Variants in NFATC3 observed in about 807,000 individuals in gnomAD.
NFATC3 encodes the protein nuclear factor of activated T-cells, cytoplasmic 3.
Under a neutral mutation model 98.6 loss-of-function variants are expected in NFATC3, and 46 were observed. That is an observed-to-expected ratio of 0.47 (90% confidence interval 0.37 to 0.60). NFATC3 has a LOEUF of 0.60. NFATC3 is among the 20% of genes least tolerant of loss of function. The probability of loss-of-function intolerance (pLI) is 0.00; values close to 1 mark genes in which losing one functional copy is unlikely to be tolerated. For missense variants in NFATC3, 1,256 were observed against 1,295.5 expected, an observed-to-expected ratio of 0.97 and a Z score of 0.47; for synonymous variants, 512 against 472.2, an observed-to-expected ratio of 1.08 and a Z score of -1.09.
intron 9 of NFATC3, chr16:68,200,090 G>GTA (rs2040852844): frequency 6.6e-6 from 1 of 151,996 alleles, no homozygotes; most frequent in Non-Finnish European, 1.5e-5. Flanking sequence ...AATCCTTCTT[G>GTA]TATAATAGCC....
intron 1 of NFATC3, 93 bp downstream of exon 1, chr16:68,085,877 C>T: frequency 1.0e-6 from 1 of 989,552 alleles, no homozygotes; most frequent in Non-Finnish European, 1.4e-6. Flanking sequence ...TGACCGGAGA[C>T]CGATAACCCT....
chr16:68,100,905 G>GT (rs1555513122), intron 1 of NFATC3, among the ~76,000 whole-genome samples: 33 of 142,280 alleles, frequency 2.3e-4, no homozygotes, highest in African/African-American at 6.8e-4. Context: ...GTGTGTGTGT[G>GT]GGGTGTGTGT....
chr16:68,161,037 G>A (rs1598472665), intron 4 of NFATC3, among the ~76,000 whole-genome samples: 1 of 152,136 alleles, frequency 6.6e-6, no homozygotes, highest in Non-Finnish European at 1.5e-5. Flanking sequence ...ATCTCAGCCT[G>A]TATTTATTCA....
At chr16:68,218,008 T>A in intron 9 of NFATC3, 1 of 1,171,776 alleles carries the variant, frequency 8.5e-7, no homozygotes, top group Non-Finnish European at 1.1e-6. Flanking sequence ...TTTCAGGAAC[T>A]TATTTCTGTC....
chr16:68,146,990 C>T (rs958937997), intron 3 of NFATC3, among the ~76,000 whole-genome samples: 16 of 152,222 alleles, frequency 1.1e-4, no homozygotes, highest in Middle Eastern at 3.2e-3. Context: ...CTTTAAAAGT[C>T]TCTCAGATAG....
At chr16:68,134,802 G>T (rs1162770051) in intron 3 of NFATC3, among the ~76,000 whole-genome samples, 11 of 152,084 alleles carry the variant, frequency 7.2e-5, no homozygotes, top group Non-Finnish European at 1.0e-4. Flanking sequence ...TTGAATTCAT[G>T]AATAGGTGTT....
At chr16:68,100,098 A>G (rs748901787) in intron 1 of NFATC3, among the ~76,000 whole-genome samples, 32 of 152,188 alleles carry the variant, frequency 2.1e-4, no homozygotes, top group Non-Finnish European at 4.1e-4. Context: ...TGGATGTACT[A>G]CAGTTTAATT....
chr16:68,219,676 C>T (rs1040766904), intron 9 of NFATC3, among the ~76,000 whole-genome samples: 1 of 152,136 alleles, frequency 6.6e-6, no homozygotes, highest in African/African-American at 2.4e-5. Flanking sequence ...CATGACCAAA[C>T]TTTGGTGAAT....
intron 8 of NFATC3, among the ~76,000 whole-genome samples, chr16:68,189,038 A>G (rs982399673): frequency 1.3e-5 from 2 of 152,132 alleles, no homozygotes; most frequent in African/African-American, 4.8e-5. Context: ...GTTGATATCT[A>G]GTTTTCTCAG....
At chr16:68,192,249 A>ATATATATATATATG (rs2040460950) in intron 9 of NFATC3, 1 of 113,532 alleles carries the variant, frequency 8.8e-6, no homozygotes, top group Non-Finnish European at 1.9e-5. Context: ...ATATATATAT[A>ATATATATATATATG]TATATGTATG....
At chr16:68,159,397 T>C (rs2038775565) in intron 4 of NFATC3, among the ~76,000 whole-genome samples, 1 of 150,196 alleles carries the variant, frequency 6.7e-6, no homozygotes, top group African/African-American at 2.5e-5. Context: ...ACTATAGACC[T>C]TTCTTTCTTT....
chr16:68,183,513 A>C, intron 8 of NFATC3, 147 bp downstream of exon 8: 2 of 765,216 alleles, frequency 2.6e-6, no homozygotes, highest in Non-Finnish European at 4.0e-6. Flanking sequence ...GTTTTTGTTG[A>C]CTTTAAATAT....
At chr16:68,187,072 G>A (rs1042989027) in intron 8 of NFATC3, among the ~76,000 whole-genome samples, 1 of 152,202 alleles carries the variant, frequency 6.6e-6, no homozygotes, top group Admixed American at 6.5e-5. Flanking sequence ...GAAGGGGTGT[G>A]TGAGTGAGTG....
At chr16:68,222,289 CAAAAAAAAAAAAAAAAAAAAAAA>C (rs58981935) in intron 9 of NFATC3, among the ~76,000 whole-genome samples, 11 of 26,418 alleles carry the variant, frequency 4.2e-4, no homozygotes, top group East Asian at 2.8e-3. Flanking sequence ...ACCCCATTGC[CAAAAAAAAAAAAAAAAAAAAAAA>C]AAAAAAAAAA....
chr16:68,196,494 T>C, intron 9 of NFATC3, among the ~76,000 whole-genome samples: 1 of 152,196 alleles, frequency 6.6e-6, no homozygotes, highest in East Asian at 1.9e-4. Context: ...AGGTAGAATT[T>C]TTAGATGCCT....
intron 6 of NFATC3, among the ~76,000 whole-genome samples, chr16:68,178,006 C>T (rs2039794631): frequency 6.6e-6 from 1 of 152,124 alleles, no homozygotes; most frequent in Non-Finnish European, 1.5e-5. Context: ...CTGGTTCTCA[C>T]ACATCTTTAT....
chr16:68,206,080 C>T (rs1325099663), intron 9 of NFATC3, among the ~76,000 whole-genome samples: 1 of 151,956 alleles, frequency 6.6e-6, no homozygotes, highest in African/African-American at 2.4e-5. Flanking sequence ...TTGTTAGGTG[C>T]ATTAGCTCAT....
rs150292833 is a variant in NFATC3 at position 68,190,144 on chromosome 16, C to A, written c.2099-624C>A. ...TTTTGTATGTTGATTTTGTATCCTG[C>A]AACTTTGCAGAATGTATTTGTTAGT... On this transcript the variant is annotated intron_variant, in intron 8 of 9. Coordinates refer to ENST00000346183, the MANE Select transcript of NFATC3 (RefSeq NM_173165.3). 4.3e-4 allele frequency among the ~76,000 whole-genome samples: 65 copies of A among 152,330 alleles called. No homozygotes were observed. In the East Asian group the frequency reaches 0.012, roughly 29 times the overall value.
chr16:68,140,358 T>C (rs185788590), intron 3 of NFATC3, among the ~76,000 whole-genome samples: 33 of 152,254 alleles, frequency 2.2e-4, no homozygotes. Flanking sequence ...AGGTAGATAC[T>C]AAGGAGGGAA....
Sources: gnomAD v4.1 joint callset for allele counts (sites outside exome capture counted in the v4.1 genomes callset) on GRCh38, gnomAD v4.1.1 for gene constraint, MANE v1.5 for transcripts, NCBI Gene and HGNC (gene_info 2026-07-23, HGNC 2026-07-21) for gene names.